MED27: variants seen among roughly 807,000 people sequenced by gnomAD.
The protein encoded by MED27 is mediator of RNA polymerase II transcription subunit 27.
In MED27, 30 loss-of-function variants were observed where a neutral mutation model predicts 38.2. The observed-to-expected ratio is 0.79, with a 90% CI of 0.59 to 1.07. The LOEUF (loss-of-function observed/expected upper bound fraction) is 1.07. Among genes scored for constraint, MED27 ranks in the 50% least tolerant of loss-of-function variants. The pLI is 0.00. For synonymous variants in MED27, 122 were observed against 153.5 expected (o/e 0.79, Z 1.52); for missense variants, 289 against 397.5 (o/e 0.73, Z 2.32).
chr9:131,865,516 A>G (rs912896182), intron 6 of MED27, among the ~76,000 whole-genome samples: 3 of 152,188 alleles, frequency 2.0e-5, no homozygotes, highest in Non-Finnish European at 4.4e-5. Context: ...AGAAGAACCA[A>G]AGTTTCTGGA....
chr9:132,020,888 T>A (rs567176113), intron 2 of MED27, among the ~76,000 whole-genome samples: 6 of 152,332 alleles, frequency 3.9e-5, no homozygotes, highest in Non-Finnish European at 8.8e-5. Context: ...TGAGCTTTTA[T>A]GGGTAAATAA....
intron 2 of MED27, among the ~76,000 whole-genome samples, chr9:132,063,030 C>T (rs2131153172): frequency 6.6e-6 from 1 of 152,290 alleles, no homozygotes; most frequent in Admixed American, 6.5e-5. Context: ...AGTGAGGAAG[C>T]TGTTGCAAGT....
At chr9:132,005,292 T>G (rs1307079905) in intron 3 of MED27, among the ~76,000 whole-genome samples, 1 of 152,170 alleles carries the variant, frequency 6.6e-6, no homozygotes, top group East Asian at 1.9e-4. Context: ...CTGAGTCTAC[T>G]TCAAGGCAAA....
intron 3 of MED27, among the ~76,000 whole-genome samples, chr9:132,013,371 A>C (rs1430651579): frequency 6.6e-6 from 1 of 152,254 alleles, no homozygotes; most frequent in Non-Finnish European, 1.5e-5. Context: ...GACAGGCAAT[A>C]TTAACTGTTT....
intron 2 of MED27, among the ~76,000 whole-genome samples, chr9:132,042,431 CA>C (rs1833238307): frequency 6.6e-6 from 1 of 152,026 alleles, no homozygotes; most frequent in African/African-American, 2.4e-5. Flanking sequence ...GGTCACAAGG[CA>C]AAAAGGAAGT....
At chr9:131,957,953 G>A (rs146332130) in intron 3 of MED27, among the ~76,000 whole-genome samples, 1,978 of 151,864 alleles carry the variant, frequency 0.013, 37 homozygotes, top group African/African-American at 0.044. Context: ...GTGACAGAGA[G>A]GAGACCAGAG....
intron 4 of MED27, among the ~76,000 whole-genome samples, chr9:131,936,524 C>G (rs1830688506): frequency 6.6e-6 from 1 of 152,256 alleles, no homozygotes; most frequent in Admixed American, 6.5e-5. Context: ...CTCCCCCATC[C>G]TCTGGGCTCA....
intron 3 of MED27, among the ~76,000 whole-genome samples, chr9:131,953,540 A>G (rs1831038266): frequency 6.6e-6 from 1 of 152,194 alleles, no homozygotes; most frequent in African/African-American, 2.4e-5. Flanking sequence ...CAGTCATGGT[A>G]CCACAGAGGC....
At position 131,872,329 on chromosome 9, in the gene MED27, C is replaced by T. The variant is rs954755313; in HGVS notation, c.724-9189G>A. Among the ~76,000 whole-genome samples, 1 of 152,264 alleles carries T rather than the reference C, an allele frequency of 6.6e-6. No individual in the cohort carries two copies. Among genetic ancestry groups the T allele is most frequent in the Non-Finnish European group, 1.5e-5 (1 of 68,044 alleles). On this transcript the variant is annotated intron_variant, in intron 6 of 7. Coordinates refer to ENST00000292035, the MANE Select transcript of MED27 (RefSeq NM_004269.4). The surrounding 1 kb of genome is among the most constrained non-coding windows in gnomAD (Gnocchi z 5.6). ...CTGCTGAGGGCATTATCTGCCAGCA[C>T]ACAGCCCCCGAGGCCAAGCTAGAAG...
At chr9:131,985,422 T>C (rs1250269437) in intron 3 of MED27, among the ~76,000 whole-genome samples, 1 of 152,232 alleles carries the variant, frequency 6.6e-6, no homozygotes, top group Non-Finnish European at 1.5e-5. Flanking sequence ...CACAGTCAAG[T>C]GTCGCATAAC....
chr9:131,887,461 T>A (rs1202563069), intron 5 of MED27, among the ~76,000 whole-genome samples: 2 of 152,054 alleles, frequency 1.3e-5, no homozygotes, highest in Non-Finnish European at 2.9e-5. Flanking sequence ...TTGCTAGGAG[T>A]GCACAGCAGG....
intron 3 of MED27, among the ~76,000 whole-genome samples, chr9:131,979,302 G>A (rs757195600): frequency 1.3e-5 from 2 of 152,138 alleles, no homozygotes; most frequent in African/African-American, 4.8e-5. Context: ...CACAACCAAT[G>A]AATGAAATCA....
intron 3 of MED27, among the ~76,000 whole-genome samples, chr9:131,941,104 G>T (rs760381938): frequency 6.6e-6 from 1 of 152,100 alleles, no homozygotes; most frequent in African/African-American, 2.4e-5. Flanking sequence ...TCTGGCTCAG[G>T]TCCTTTGAGA....
intron 4 of MED27, among the ~76,000 whole-genome samples, chr9:131,926,110 T>C (rs1830478518): frequency 1.3e-5 from 2 of 152,154 alleles, no homozygotes; most frequent in African/African-American, 2.4e-5. Flanking sequence ...TCTGTTCTTC[T>C]GAGCTTTATC....
intron 3 of MED27, among the ~76,000 whole-genome samples, chr9:131,967,675 T>C (rs1831378891): frequency 6.6e-6 from 1 of 151,234 alleles, no homozygotes; most frequent in Non-Finnish European, 1.5e-5. Flanking sequence ...ATTTTTTTTT[T>C]TTTTTTAGTA....
rs1831748327 is a variant in MED27, at chr9:131,982,025, T to C, written c.479+32312A>G. Among the ~76,000 whole-genome samples the C allele has an allele frequency of 6.6e-6, 1 of 152,228 alleles. No individual in the cohort carries two copies. Among genetic ancestry groups the C allele is most frequent in the Non-Finnish European group, 1.5e-5 (1 of 68,040 alleles). ...CAGCAGCAGTAGCAGAAGTGGTAGA[T>C]ACCACTTATCATGCACTTCCCATGT... On this transcript the variant is annotated intron_variant, in intron 3 of 7. Coordinates refer to ENST00000292035, the MANE Select transcript of MED27 (RefSeq NM_004269.4). The surrounding 1 kb of genome is among the most constrained non-coding windows in gnomAD (Gnocchi z 4.3).
chr9:132,027,096 G>A (rs918438098), intron 2 of MED27, among the ~76,000 whole-genome samples: 1 of 152,194 alleles, frequency 6.6e-6, no homozygotes, highest in Non-Finnish European at 1.5e-5. Flanking sequence ...GATAGCCTGA[G>A]GGGATGTAAG....
intron 3 of MED27, among the ~76,000 whole-genome samples, chr9:131,981,696 G>A (rs1831740458): frequency 6.6e-6 from 1 of 152,202 alleles, no homozygotes; most frequent in African/African-American, 2.4e-5. Flanking sequence ...GCAAAGCCAG[G>A]AGATGGGGCA....
At chr9:132,079,554 A>G (rs1057153708) in intron 1 of MED27, 88 bp downstream of exon 1, 9 of 1,219,176 alleles carry the variant, frequency 7.4e-6, no homozygotes, top group Non-Finnish European at 1.1e-5. Context: ...AACGGAGAAC[A>G]GCCCCTGCCT....
Sources: allele counts gnomAD v4.1 joint callset (sites outside exome capture counted in the v4.1 genomes callset), GRCh38; gene constraint gnomAD v4.1.1; non-coding constraint Gnocchi (gnomAD v3.1); transcripts MANE v1.5; gene names NCBI Gene and HGNC (gene_info 2026-07-23, HGNC 2026-07-21).